SEMA6D: variants seen among roughly 807,000 people sequenced by gnomAD.
The protein encoded by SEMA6D is semaphorin 6D, also known as semaphorin-6D.
SEMA6D carries 35 observed loss-of-function variants against 106.6 expected under a neutral mutation model. The observed-to-expected ratio is 0.33, with a 90% CI of 0.25 to 0.44. The LOEUF (loss-of-function observed/expected upper bound fraction) is 0.44, where lower values mean the gene tolerates loss of function less well. Among genes scored for constraint, SEMA6D ranks in the 20% least tolerant of loss-of-function variants. SEMA6D has a pLI of 1.00. For synonymous variants in SEMA6D, 499 were observed against 487.7 expected (o/e 1.02, Z -0.31); for missense variants, 1,185 against 1,345.9 (o/e 0.88, Z 1.87).
chr15:47,559,765 A>G (rs1470472987), intron 3 of SEMA6D, among the ~76,000 whole-genome samples: 1 of 152,288 alleles, frequency 6.6e-6, no homozygotes, highest in South Asian at 2.1e-4. Flanking sequence ...GAATGCACAC[A>G]TTCTCAGAGG....
chr15:47,731,897 A>G (rs957638749), intron 1 of SEMA6D, among the ~76,000 whole-genome samples: 1 of 152,198 alleles, frequency 6.6e-6, no homozygotes, highest in Non-Finnish European at 1.5e-5. Flanking sequence ...ACACATAGAC[A>G]TGTGCCCCTA....
At chr15:47,228,119 CAT>C (rs1163853254) in intron 1 of SEMA6D, among the ~76,000 whole-genome samples, 3 of 132,848 alleles carry the variant, frequency 2.3e-5, no homozygotes, top group African/African-American at 8.7e-5. Flanking sequence ...TATAAGAATT[CAT>C]ATATATGTGT....
intron 1 of SEMA6D, among the ~76,000 whole-genome samples, chr15:47,230,822 TAAAG>T (rs752305251): frequency 6.6e-6 from 1 of 152,020 alleles, no homozygotes; most frequent in Non-Finnish European, 1.5e-5. Context: ...GATGCACTCT[TAAAG>T]AACCACTGGG....
intron 4 of SEMA6D, among the ~76,000 whole-genome samples, chr15:47,646,169 C>T (rs751144928): frequency 8.5e-5 from 13 of 152,132 alleles, no homozygotes; most frequent in Non-Finnish European, 1.3e-4. Flanking sequence ...CTAACCTTGC[C>T]TCAGTCTTTC....
chr15:47,586,399 C>T (rs1048623259), intron 3 of SEMA6D, among the ~76,000 whole-genome samples: 4 of 152,108 alleles, frequency 2.6e-5, no homozygotes, highest in Non-Finnish European at 2.9e-5. Flanking sequence ...TGCTTCATGT[C>T]GTTTTTGTAC....
chr15:47,434,952 A>G (rs2041654357), intron 2 of SEMA6D, among the ~76,000 whole-genome samples: 1 of 152,176 alleles, frequency 6.6e-6, no homozygotes, highest in South Asian at 2.1e-4. Flanking sequence ...ATACACACAC[A>G]TAGACCACAG....
At chr15:47,199,427 C>G (rs767384009) in intron 1 of SEMA6D, among the ~76,000 whole-genome samples, 10 of 152,052 alleles carry the variant, frequency 6.6e-5, no homozygotes, top group Non-Finnish European at 1.5e-5. Flanking sequence ...ACTTAGAGCT[C>G]TGTACTCTAG....
chr15:47,695,228 A>G (rs966150793), intron 4 of SEMA6D, among the ~76,000 whole-genome samples: 6 of 152,180 alleles, frequency 3.9e-5, no homozygotes, highest in African/African-American at 1.4e-4. Flanking sequence ...CTCGTTTTTC[A>G]AAGGCAGAAA....
intron 1 of SEMA6D, among the ~76,000 whole-genome samples, chr15:47,237,731 A>G (rs565628492): frequency 1.3e-5 from 2 of 152,132 alleles, no homozygotes; most frequent in African/African-American, 2.4e-5. Flanking sequence ...CCTTTTAACT[A>G]TGACCGTTTT....
intron 3 of SEMA6D, among the ~76,000 whole-genome samples, chr15:47,519,531 G>A (rs2044501989): frequency 6.6e-6 from 1 of 152,128 alleles, no homozygotes; most frequent in South Asian, 2.1e-4. Flanking sequence ...ACAACATCAG[G>A]ACAGCAAAAT....
intron 4 of SEMA6D, among the ~76,000 whole-genome samples, chr15:47,624,012 T>C (rs1263646973): frequency 6.6e-6 from 1 of 152,202 alleles, no homozygotes; most frequent in African/African-American, 2.4e-5. Flanking sequence ...CCCCGTGAGC[T>C]GGCCCTGCCA....
chr15:47,407,368 C>CAAAA (rs779136178), intron 1 of SEMA6D, among the ~76,000 whole-genome samples: 486 of 47,818 alleles, frequency 0.01, 14 homozygotes, highest in African/African-American at 0.04. Context: ...GACTCTATCT[C>CAAAA]AAAAAAAAAA....
chr15:47,602,291 A>G (rs1002920759), intron 4 of SEMA6D, among the ~76,000 whole-genome samples: 2 of 152,214 alleles, frequency 1.3e-5, no homozygotes, highest in African/African-American at 4.8e-5. Context: ...TGAAGGAAGT[A>G]TAATTACATT....
chr15:47,471,851 A>G (rs2042847914), intron 3 of SEMA6D, among the ~76,000 whole-genome samples: 1 of 151,608 alleles, frequency 6.6e-6, no homozygotes, highest in Non-Finnish European at 1.5e-5. Context: ...ATGGAAGACA[A>G]TTCCTGAAAT....
chr15:47,391,997 C>T (rs778826615), intron 1 of SEMA6D, among the ~76,000 whole-genome samples: 1 of 152,092 alleles, frequency 6.6e-6, no homozygotes, highest in African/African-American at 2.4e-5. Context: ...CCAACACCCA[C>T]CCCCTTTGCC....
rs561490696 is a variant in SEMA6D at position 47,223,507 on chromosome 15, C to CT, written c.-239+39097dup. Among the ~76,000 whole-genome samples, 321 of 151,556 alleles carry CT rather than the reference C, an allele frequency of 2.1e-3. 3 individuals are homozygous for CT. Among genetic ancestry groups the CT allele is most frequent in the Non-Finnish European group, 3.8e-3 (258 of 67,820 alleles). On this transcript the variant is annotated intron_variant, in intron 1 of 19. Coordinates refer to the SEMA6D transcript ENST00000558014. ...TGGCAGTACTTTTTAAGGATTTTTTCTTTTTTTTATTGAAGTCAGCATTTT... is the reference window on the plus strand; with the variant it reads ...TGGCAGTACTTTTTAAGGATTTTTTCTTTTTTTTTATTGAAGTCAGCATTTT...
At chr15:47,238,830 A>T (rs2032724933) in intron 1 of SEMA6D, among the ~76,000 whole-genome samples, 2 of 152,150 alleles carry the variant, frequency 1.3e-5, no homozygotes, top group African/African-American at 4.8e-5. Context: ...CTTCCATTTC[A>T]AGCAACAGGG....
intron 1 of SEMA6D, chr15:47,397,586 T>C (rs1210837401): frequency 6.6e-6 from 1 of 152,246 alleles, no homozygotes; most frequent in Non-Finnish European, 1.5e-5. Flanking sequence ...GCAGAAATTG[T>C]ACATTGATAT....
At chr15:47,621,543 T>G (rs970336201) in intron 4 of SEMA6D, among the ~76,000 whole-genome samples, 5 of 151,898 alleles carry the variant, frequency 3.3e-5, no homozygotes, top group Non-Finnish European at 7.4e-5. Context: ...ATTTCCGGGG[T>G]CCCCAGAGTG....
Sources: gnomAD v4.1 joint callset for allele counts (sites outside exome capture counted in the v4.1 genomes callset) on GRCh38, gnomAD v4.1.1 for gene constraint, MANE v1.5 for transcripts, NCBI Gene and HGNC (gene_info 2026-07-23, HGNC 2026-07-21) for gene names.